The following GHSR variants were observed in gnomAD, a reference collection of about 807,000 sequenced individuals.
GHSR encodes the protein growth hormone secretagogue receptor, also known as growth hormone secretagogue receptor type 1.
GHSR carries 17 observed loss-of-function variants against 24.0 expected under a neutral mutation model. The observed-to-expected ratio is 0.71, with a 90% CI of 0.49 to 1.06. The LOEUF (loss-of-function observed/expected upper bound fraction) is 1.06, where lower values mean the gene tolerates loss of function less well. GHSR is among the 50% of genes least tolerant of loss of function. GHSR has a pLI of 0.00. For synonymous variants in GHSR, 238 were observed against 208.1 expected (o/e 1.14, Z -1.24); for missense variants, 504 against 483.1 (o/e 1.04, Z -0.41).
At chr3:172,445,561 A>T (rs1298693939) in intron 1 of GHSR, 96 bp from the exon 2 acceptor site, 3 of 1,233,562 alleles carry the variant, frequency 2.4e-6, no homozygotes, top group Non-Finnish European at 3.5e-6. Context: ...ATGGTCTATG[A>T]CCATTGACTT....
Position 172,448,250 on chromosome 3 carries a change from A to G in GHSR, c.164T>C (p.Val55Ala), listed in dbSNP as rs202240311. ...GAGCAGGTTGCCAGCGATGCCCACC[A>G]CGAAGAGTGCCACGCAGGTGGCTGT... The part of the protein sequence containing the change: ...GVTATCVALF[V>A]VGIAGNLLTM... The change falls in exon 1 of 2, where the codon GTG becomes GCG. Residue 55 changes from valine to alanine, a missense_variant. Val to Ala is a moderately conservative substitution (Grantham distance 64). Coordinates refer to ENST00000241256, the MANE Select transcript of GHSR (RefSeq NM_198407.2). This position sits in a 1 kb window ranked among gnomAD's most constrained non-coding sequence, Gnocchi z 4.8. The G allele has an allele frequency of 3.7e-6, 6 of 1,613,810 alleles. No individual in the cohort carries two copies. In the South Asian group the frequency reaches 5.5e-5, roughly 15 times the overall value.
chr3:172,447,985 G>T lies in GHSR; in HGVS notation c.429C>A (p.Phe143Leu). The T allele has an allele frequency of 6.2e-7, 1 of 1,614,222 alleles. No individual in the cohort carries two copies. Among genetic ancestry groups the T allele is most frequent in the Non-Finnish European group, 8.5e-7 (1 of 1,180,024 alleles). The change falls in exon 1 of 2, where the codon TTC becomes TTA. Residue 143 changes from phenylalanine to leucine, a missense_variant. Coordinates refer to ENST00000241256, the MANE Select transcript of GHSR (RefSeq NM_198407.2). ...TITALSVERY[F>L]AICFPLRAKV... ...TGGCCCGGAGTGGGAAGCAGATGGC[G>T]AAGTAGCGCTCGACGCTCAGCGCTG...
intron 1 of GHSR, among the ~76,000 whole-genome samples, chr3:172,445,794 C>T (rs1173516693): frequency 2.0e-5 from 3 of 152,186 alleles, no homozygotes; most frequent in South Asian, 2.1e-4. Flanking sequence ...GACACACTTA[C>T]GAGGTAAAGT....
rs147543947 is a variant in GHSR, at chr3:172,443,398, A to T, written c.*1763T>A. ...TTTAGTGTCAGAACGAATCTCAGAA[A>T]TATTTTTCTAGAGAAATGATTCTAA... On this transcript the variant is annotated 3_prime_UTR_variant, in exon 2 of 2. Transcript: ENST00000241256. Among the ~76,000 whole-genome samples, 4 of 152,248 alleles carry T rather than the reference A, an allele frequency of 2.6e-5. No individual in the cohort carries two copies. The East Asian group carries it at 7.7e-4, about 29-fold the overall frequency.
Position 172,445,479 on chromosome 3 carries a change from G to T in GHSR, c.797-14C>A. 1 of 1,608,038 alleles carries T rather than the reference G, an allele frequency of 6.2e-7. No homozygotes were observed. The highest frequency in any genetic ancestry group is 1.1e-5 in the South Asian group (1 of 90,560). ...ACACCACTACAGCTAAAAGGACAAT[G>T]GGAGAGAGATAGTCAGCTCAAGAAA... On this transcript the variant is annotated splice_polypyrimidine_tract_variant and intron_variant, in intron 1 of 1. Transcript: ENST00000241256.
At chr3:172,446,075 A>T (rs1205379909) in intron 1 of GHSR, among the ~76,000 whole-genome samples, 2 of 152,186 alleles carry the variant, frequency 1.3e-5, no homozygotes, top group Non-Finnish European at 2.9e-5. Flanking sequence ...ATTATCATCC[A>T]TCCAAGTCTT....
At chr3:172,447,217 T>C (rs1223062688) in intron 1 of GHSR, among the ~76,000 whole-genome samples, 2 of 152,190 alleles carry the variant, frequency 1.3e-5, no homozygotes, top group African/African-American at 4.8e-5. Flanking sequence ...CAATGGACTT[T>C]TATAAGATAT....
intron 1 of GHSR, 189 bp downstream of exon 1, chr3:172,447,429 A>C: frequency 1.5e-6 from 2 of 1,293,962 alleles, no homozygotes; most frequent in Non-Finnish European, 2.1e-6. Context: ...TGAGAGATCA[A>C]AAACATCACT....
In GHSR at chr3:172,447,734, C is replaced by A. The variant is rs1560129411; in HGVS notation, c.680G>T (p.Cys227Phe). 6 of 1,614,018 alleles carry A rather than the reference C, an allele frequency of 3.7e-6. No homozygotes were observed. In the African/African-American group the frequency reaches 4.0e-5, roughly 11 times the overall value. ...GATGAGACTGTAGAGGACCGTGAGA[C>A]AGAAGACAGGAAGGAAGAAGAAGAT... ...SSIFFFLPVF[C>F]LTVLYSLIGR... Residue 227 changes from cysteine (C) to phenylalanine (F), a missense_variant, in exon 1 of 2, where the codon TGT becomes TTT. By Grantham distance (205) the Cys-to-Phe change is radical (BLOSUM62 -2). Coordinates refer to ENST00000241256, the MANE Select transcript of GHSR (RefSeq NM_198407.2).
Position 172,448,332 on chromosome 3 carries a change from C to T in GHSR, c.82G>A (p.Asp28Asn). 4.4e-6 allele frequency: 7 copies of T among 1,606,102 alleles called. 1 individual carries two copies. Among genetic ancestry groups the T allele is most frequent in the Non-Finnish European group, 5.9e-6 (7 of 1,179,806 alleles). Residue 28 changes from aspartate (D) to asparagine (N), a missense_variant, in exon 1 of 2, where the codon GAC becomes AAC. Transcript: ENST00000241256. This position sits in a 1 kb window ranked among gnomAD's most constrained non-coding sequence, Gnocchi z 4.8. Reference protein sequence around the residue: ...DLDWDASPGNDSLGDELLQLF... With the variant: ...DLDWDASPGNNSLGDELLQLF... ...TGCAGCAGCTCGTCGCCCAGCGAGTCGTTGCCGGGGGAAGCATCCCAGTCC... is the reference window on the plus strand; with the variant it reads ...TGCAGCAGCTCGTCGCCCAGCGAGTTGTTGCCGGGGGAAGCATCCCAGTCC...
In GHSR at chr3:172,444,070, A is replaced by C. The variant is rs978622113; in HGVS notation, c.*1091T>G. Among the ~76,000 whole-genome samples, 4 of 152,192 alleles carry C rather than the reference A, an allele frequency of 2.6e-5. No homozygotes were observed. The highest frequency in any genetic ancestry group is 5.9e-5 in the Non-Finnish European group (4 of 68,006). ...TTGACTTCAAAATTTTTGTTAAGCC[A>C]TATGAGGCAGTTTGTGATTACCCAT... On this transcript the variant is annotated 3_prime_UTR_variant, in exon 2 of 2. Transcript: ENST00000241256.
Position 172,447,627 on chromosome 3 carries a change from T to G in GHSR, c.787A>C (p.Lys263Gln). ...GCGCGCTGAGACCCACCCAGCATTT[T>G]CACGGTTTGCTTGTGGTTCTGGTCC... is the stretch of plus-strand genomic sequence containing the variant. ...LRDQNHKQTV[K>Q]MLAVVVFAFI... is the part of the protein sequence containing the mutation. Residue 263 changes from lysine to glutamine, a missense_variant, in exon 1 of 2, where the codon AAA becomes CAA. Coordinates refer to ENST00000241256, the MANE Select transcript of GHSR (RefSeq NM_198407.2). 1.2e-6 allele frequency: 2 copies of G among 1,614,004 alleles called. No individual in the cohort carries two copies. The highest frequency in any genetic ancestry group is 8.5e-7 in the Non-Finnish European group (1 of 1,179,966).
intron 1 of GHSR, among the ~76,000 whole-genome samples, chr3:172,446,667 C>T (rs1038998314): frequency 5.9e-5 from 9 of 152,108 alleles, no homozygotes; most frequent in Non-Finnish European, 1.2e-4. Context: ...GGGCTGTAAC[C>T]ATATTTATTA....
chr3:172,444,510 G>C lies in GHSR; in HGVS notation c.*651C>G, dbSNP rs1313860832. Among the ~76,000 whole-genome samples the C allele has an allele frequency of 6.6e-6, 1 of 152,060 alleles. No homozygotes were observed. Among genetic ancestry groups the C allele is most frequent in the African/African-American group, 2.4e-5 (1 of 41,412 alleles). ...GTGTGCTTAGACAACTTAGATTGTT[G>C]AATCTACTTTTTATCTGTAAATTTT... On this transcript the variant is annotated 3_prime_UTR_variant, in exon 2 of 2. Coordinates refer to ENST00000241256, the MANE Select transcript of GHSR (RefSeq NM_198407.2).
Position 172,448,257 on chromosome 3 carries a change from G to A in GHSR, c.157C>T (p.Leu53Phe), listed in dbSNP as rs1737533237. Residue 53 changes from leucine to phenylalanine, a missense_variant, in exon 1 of 2, where the codon CTC becomes TTC. Leu to Phe is a conservative substitution (Grantham distance 22). Transcript: ENST00000241256. The surrounding 1 kb of genome is among the most constrained non-coding windows in gnomAD (Gnocchi z 4.8). Reference protein sequence around the residue: ...LAGVTATCVALFVVGIAGNLL... With the variant: ...LAGVTATCVAFFVVGIAGNLL... ...TTGCCAGCGATGCCCACCACGAAGAGTGCCACGCAGGTGGCTGTGACGCCC... is the reference window on the plus strand; with the variant it reads ...TTGCCAGCGATGCCCACCACGAAGAATGCCACGCAGGTGGCTGTGACGCCC... 6.2e-6 allele frequency: 10 copies of A among 1,613,584 alleles called. No individual in the cohort carries two copies. Among genetic ancestry groups the A allele is most frequent in the Non-Finnish European group, 7.6e-6 (9 of 1,179,982 alleles).
At chr3:172,445,649 A>C (rs1418117210) in intron 1 of GHSR, among the ~76,000 whole-genome samples, 184 bp from the exon 2 acceptor site, 1 of 152,250 alleles carries the variant, frequency 6.6e-6, no homozygotes, top group Non-Finnish European at 1.5e-5. Flanking sequence ...ACAGTTCAAC[A>C]ATTTTTACTG....
rs755032608 is a variant in GHSR, at chr3:172,447,909, C to T, written c.505G>A (p.Ala169Thr). 3.9e-5 allele frequency: 63 copies of T among 1,612,708 alleles called. No individual in the cohort carries two copies. Among genetic ancestry groups the T allele is most frequent in the Middle Eastern group, 1.6e-4 (1 of 6,080 alleles). ...GGCCCGGCGCTGCAGAAGGCCACGG[C>T]CCAGATGACGAAGATGACCAGCTTC... ...RVKLVIFVIW[A>T]VAFCSAGPIF... The change falls in exon 1 of 2, where the codon GCC (alanine) becomes ACC (threonine). Residue 169 changes from alanine to threonine, a missense_variant. Transcript: ENST00000241256.
At position 172,443,591 on chromosome 3, in the gene GHSR, G is replaced by C. The variant is rs1737390144; in HGVS notation, c.*1570C>G. On this transcript the variant is annotated 3_prime_UTR_variant, in exon 2 of 2. Transcript: ENST00000241256. ...AACTTCATGAAGGAACTGCTTATAT[G>C]ACTAAGTATTGCACAGGATTATGAA... 6.6e-6 allele frequency among the ~76,000 whole-genome samples: 1 copy of C among 152,070 alleles called. No homozygotes were observed. Among genetic ancestry groups the C allele is most frequent in the South Asian group, 2.1e-4 (1 of 4,824 alleles).
rs200032789 is a variant in GHSR, at chr3:172,447,876, C to T, written c.538G>A (p.Val180Met). ...VAFCSAGPIF[V>M]LVGVEHENGT... ...TTCTCGTGCTCCACCCCGACTAGCA[C>T]GAAGATGGGCCCGGCGCTGCAGAAG... The change falls in exon 1 of 2, where the codon GTG (valine) becomes ATG (methionine). Residue 180 changes from valine to methionine, a missense_variant. Coordinates refer to ENST00000241256, the MANE Select transcript of GHSR (RefSeq NM_198407.2). The T allele has an allele frequency of 1.9e-6, 3 of 1,613,510 alleles. No homozygotes were observed. Among genetic ancestry groups the T allele is most frequent in the Non-Finnish European group, 2.5e-6 (3 of 1,179,696 alleles).
Sources: allele counts gnomAD v4.1 joint callset (sites outside exome capture counted in the v4.1 genomes callset), GRCh38; gene constraint gnomAD v4.1.1; non-coding constraint Gnocchi (gnomAD v3.1); transcripts MANE v1.5; gene names NCBI Gene and HGNC (gene_info 2026-07-23, HGNC 2026-07-21).